Variants in LRRC38 observed in about 807,000 individuals in gnomAD.
LRRC38 encodes leucine rich repeat containing 38.
Under a neutral mutation model 16.4 loss-of-function variants are expected in LRRC38, and 5 were observed. The ratio of observed to expected loss-of-function variants is 0.31; its 90% CI spans 0.16 to 0.64. The LOEUF is 0.64. Among genes scored for constraint, LRRC38 ranks in the 30% least tolerant of loss-of-function variants. The pLI is 0.80. For missense variants in LRRC38, 341 were observed against 401.8 expected, an observed-to-expected ratio of 0.85 and a Z score of 1.29; for synonymous variants, 191 against 190.2, an observed-to-expected ratio of 1.00 and a Z score of -0.04.
At chr1:13,491,002 C>T (rs932265750) in intron 1 of LRRC38, among the ~76,000 whole-genome samples, 1 of 152,232 alleles carries the variant, frequency 6.6e-6, no homozygotes, top group African/African-American at 2.4e-5. Flanking sequence ...CTAGAAACTC[C>T]TGCTATTTAT....
intron 1 of LRRC38, among the ~76,000 whole-genome samples, chr1:13,506,129 C>T (rs1031078453): frequency 4.6e-5 from 7 of 152,078 alleles, no homozygotes; most frequent in South Asian, 2.1e-4. Context: ...CAGCATCCCA[C>T]GAGATCGCAC....
rs1450730102 is a variant in LRRC38, at chr1:13,513,066, G to C, written c.528C>G (p.Pro176=). The C allele has an allele frequency of 7.1e-6, 11 of 1,550,106 alleles. No individual in the cohort carries two copies. The South Asian group carries it at 1.2e-4, about 17-fold the overall frequency. ...SLSVAALAAL[P]ALRSLRLDGN... ...CGTCCAGACGCAGGGAGCGCAGCGC[G>C]GGCAGCGCGGCCAGGGCGGCCACGC... The change falls in exon 1 of 2, where the codon CCC becomes CCG. Residue 176 remains proline (P), a synonymous_variant. Coordinates refer to ENST00000376085, the MANE Select transcript of LRRC38 (RefSeq NM_001010847.2).
intron 1 of LRRC38, among the ~76,000 whole-genome samples, chr1:13,494,115 G>A (rs140572891): frequency 2.9e-4 from 44 of 152,310 alleles, no homozygotes; most frequent in Admixed American, 8.5e-4. Flanking sequence ...GAAGATAACA[G>A]ATTTGTGTCA....
At chr1:13,485,481 T>C (rs1003720381) in intron 1 of LRRC38, among the ~76,000 whole-genome samples, 4 of 151,548 alleles carry the variant, frequency 2.6e-5, no homozygotes, top group Non-Finnish European at 5.9e-5. Context: ...GGAAGGAGAA[T>C]GGCATGAACT....
At chr1:13,499,692 G>A (rs1639123093) in intron 1 of LRRC38, among the ~76,000 whole-genome samples, 1 of 152,184 alleles carries the variant, frequency 6.6e-6, no homozygotes, top group Non-Finnish European at 1.5e-5. Flanking sequence ...AGTGGGAGGG[G>A]TGGTCTCACG....
At chr1:13,505,746 G>A in intron 1 of LRRC38, among the ~76,000 whole-genome samples, 1 of 152,214 alleles carries the variant, frequency 6.6e-6, no homozygotes, top group Admixed American at 6.5e-5. Context: ...CTCGGAGGAG[G>A]TGATGCTTGA....
At chr1:13,476,786 C>T (rs1446867744) in intron 1 of LRRC38, among the ~76,000 whole-genome samples, 1 of 152,160 alleles carries the variant, frequency 6.6e-6, no homozygotes, top group African/African-American at 2.4e-5. Context: ...TCAGTGCCAA[C>T]TAGCGGACAG....
intron 1 of LRRC38, among the ~76,000 whole-genome samples, chr1:13,492,914 C>G (rs1391716228): frequency 6.6e-6 from 1 of 152,154 alleles, no homozygotes; most frequent in South Asian, 2.1e-4. Context: ...CCTCTCCCCC[C>G]TGACCCAGGC....
chr1:13,496,123 A>G (rs1639076618), intron 1 of LRRC38, among the ~76,000 whole-genome samples: 1 of 151,884 alleles, frequency 6.6e-6, no homozygotes, highest in African/African-American at 2.4e-5. Flanking sequence ...ATTCTATACA[A>G]ATTCATGCCT....
chr1:13,475,519 T>G lies in LRRC38; in HGVS notation c.*327A>C. ...CATCTTTGCCATTGAAAGCTGCCAG[T>G]CTTCACATTTCCTGGGGGAGGCTTT... On this transcript the variant is annotated 3_prime_UTR_variant, in exon 2 of 2. Transcript: ENST00000376085. This position sits in a 1 kb window ranked among gnomAD's most constrained non-coding sequence, Gnocchi z 4.3. 1 of 276,616 alleles carries G rather than the reference T, an allele frequency of 3.6e-6. No homozygotes were observed. The highest frequency in any genetic ancestry group is 6.9e-6 in the Non-Finnish European group (1 of 143,982). The allele number at this position is 276,616 out of a possible 1,614,324, so 17.1% of individuals were successfully genotyped here.
intron 1 of LRRC38, among the ~76,000 whole-genome samples, chr1:13,478,775 T>C (rs1638816889): frequency 6.6e-6 from 1 of 152,180 alleles, no homozygotes; most frequent in Non-Finnish European, 1.5e-5. Flanking sequence ...GGGGTTTGTG[T>C]GTCTTTTTTT....
chr1:13,492,461 G>T (rs1482718360), intron 1 of LRRC38, among the ~76,000 whole-genome samples: 1 of 152,158 alleles, frequency 6.6e-6, no homozygotes, highest in African/African-American at 2.4e-5. Flanking sequence ...AGCACTTTGG[G>T]AGGCCGAGGT....
At chr1:13,481,778 TCC>T (rs58446280) in intron 1 of LRRC38, among the ~76,000 whole-genome samples, 2,244 of 37,760 alleles carry the variant, frequency 0.059, 54 homozygotes, top group African/African-American at 0.089. Context: ...TCTCCCTCTC[TCC>T]CTCTCTCCCT....
chr1:13,484,379 C>T (rs1427140846), intron 1 of LRRC38, among the ~76,000 whole-genome samples: 2 of 152,096 alleles, frequency 1.3e-5, no homozygotes, highest in Non-Finnish European at 2.9e-5. Flanking sequence ...ATGTGAGGTC[C>T]AGCGTTTTGT....
rs771667906 is a variant in LRRC38, at chr1:13,476,005, G to A, written c.726C>T (p.Ser242=). ...TGATGCAGAGGTCTGTGAGTGACAG[G>A]CTGAACCTACACTCGCTGAAGCTGG... The part of the protein sequence containing the change: ...SEASFSECRF[S]LSLTDLCIII... The change falls in exon 2 of 2, where the codon AGC becomes AGT. Residue 242 remains serine (S), a synonymous_variant. Transcript: ENST00000376085. 1.2e-5 allele frequency: 18 copies of A among 1,550,438 alleles called. No individual in the cohort carries two copies. Among genetic ancestry groups the A allele is most frequent in the Non-Finnish European group, 1.5e-5 (17 of 1,146,992 alleles).
chr1:13,489,021 G>C (rs1173536027), intron 1 of LRRC38, among the ~76,000 whole-genome samples: 1 of 152,150 alleles, frequency 6.6e-6, no homozygotes, highest in Non-Finnish European at 1.5e-5. Flanking sequence ...GAAACCTCCC[G>C]GGCTGAGTGG....
chr1:13,487,096 C>T lies in LRRC38; in HGVS notation c.632-10997G>A, dbSNP rs976164838. On this transcript the variant is annotated intron_variant, in intron 1 of 1. Transcript: ENST00000376085. The surrounding 1 kb of genome is among the most constrained non-coding windows in gnomAD (Gnocchi z 4.4). ...TCTCCACCTGCAGACCTGCCCCATT[C>T]TCTTCTGAGCCTGCTTCTCCAGGCT... Among the ~76,000 whole-genome samples the T allele has an allele frequency of 8.5e-5, 13 of 152,210 alleles. No individual in the cohort carries two copies. The highest frequency in any genetic ancestry group is 3.1e-4 in the African/African-American group (13 of 41,442).
At chr1:13,482,055 A>G (rs1638876325) in intron 1 of LRRC38, among the ~76,000 whole-genome samples, 1 of 152,222 alleles carries the variant, frequency 6.6e-6, no homozygotes, top group African/African-American at 2.4e-5. Context: ...ATAAATAGAC[A>G]TTTAGTTATT....
intron 1 of LRRC38, among the ~76,000 whole-genome samples, chr1:13,477,080 G>T (rs1638796563): frequency 6.6e-6 from 1 of 152,070 alleles, no homozygotes; most frequent in African/African-American, 2.4e-5. Flanking sequence ...ACTCTAGACT[G>T]GGCGACAGAG....
Sources: allele counts gnomAD v4.1 joint callset (sites outside exome capture counted in the v4.1 genomes callset), GRCh38; gene constraint gnomAD v4.1.1; non-coding constraint Gnocchi (gnomAD v3.1); transcripts MANE v1.5; gene names NCBI Gene and HGNC (gene_info 2026-07-23, HGNC 2026-07-21).